The following UST variants were observed in gnomAD, a reference collection of about 807,000 sequenced individuals.
The protein encoded by UST is uronyl 2-sulfotransferase.
UST carries 21 observed loss-of-function variants against 45.6 expected under a neutral mutation model. The observed-to-expected ratio is 0.46, with a 90% CI of 0.33 to 0.66. The LOEUF is 0.66. Among genes scored for constraint, UST ranks in the 30% least tolerant of loss-of-function variants. The probability of loss-of-function intolerance (pLI) is 0.02; values close to 1 mark genes in which losing one functional copy is unlikely to be tolerated. For missense variants in UST, 463 were observed against 512.4 expected (o/e 0.90, Z 0.93); for synonymous variants, 215 against 200.6 (o/e 1.07, Z -0.61).
At chr6:149,020,817 A>G (rs1436411169) in intron 6 of UST, among the ~76,000 whole-genome samples, 1 of 152,204 alleles carries the variant, frequency 6.6e-6, no homozygotes, top group Admixed American at 6.5e-5. Context: ...AAATAAAACA[A>G]AACAAAAATC....
At chr6:148,753,060 A>T (rs984588134) in intron 1 of UST, among the ~76,000 whole-genome samples, 1 of 152,230 alleles carries the variant, frequency 6.6e-6, no homozygotes, top group African/African-American at 2.4e-5. Flanking sequence ...GCAAAAGTCA[A>T]TGTAGCAACT....
chr6:148,796,797 C>CTTTTTTTTTTTTT (rs1195878764), intron 1 of UST, among the ~76,000 whole-genome samples: 3 of 72,054 alleles, frequency 4.2e-5, no homozygotes, highest in Admixed American at 2.0e-4. Context: ...TCTGATAATT[C>CTTTTTTTTTTTTT]TTTTTTTTTT....
intron 7 of UST, among the ~76,000 whole-genome samples, chr6:149,043,038 T>TTTCTTTCC (rs1456282903): frequency 2.6e-4 from 37 of 140,550 alleles, no homozygotes; most frequent in African/African-American, 9.6e-4. Context: ...TCTTTCTTTC[T>TTTCTTTCC]TTCTTTCCTT....
At chr6:148,941,484 G>A (rs765170797) in intron 3 of UST, 50 bp downstream of exon 3, 46 of 1,539,860 alleles carry the variant, frequency 3.0e-5, no homozygotes, top group Non-Finnish European at 4.0e-5. Context: ...CAGCTCATTT[G>A]TGTAACTAGT....
chr6:148,759,846 T>G (rs959931578), intron 1 of UST, among the ~76,000 whole-genome samples: 3 of 35,358 alleles, frequency 8.5e-5, no homozygotes, highest in Non-Finnish European at 1.7e-4. Flanking sequence ...AGACTCTGTC[T>G]CAAAAAAAAA....
At chr6:149,060,605 G>C (rs980035302) in intron 7 of UST, among the ~76,000 whole-genome samples, 3 of 152,216 alleles carry the variant, frequency 2.0e-5, no homozygotes, top group African/African-American at 7.2e-5. Context: ...AGGGCTGTAT[G>C]GGAATGGAGG....
chr6:149,001,725 A>G (rs989525820), intron 5 of UST, among the ~76,000 whole-genome samples: 1 of 152,224 alleles, frequency 6.6e-6, no homozygotes, highest in African/African-American at 2.4e-5. Context: ...GGGGGAAATT[A>G]AGGTACAAGG....
chr6:148,750,543 G>A (rs1775970655), intron 1 of UST, among the ~76,000 whole-genome samples: 1 of 152,150 alleles, frequency 6.6e-6, no homozygotes, highest in Admixed American at 6.5e-5. Context: ...TTCAACCCAT[G>A]TCTGTCTGAT....
At chr6:149,025,251 A>G (rs1776034658) in intron 7 of UST, among the ~76,000 whole-genome samples, 1 of 152,240 alleles carries the variant, frequency 6.6e-6, no homozygotes, top group South Asian at 2.1e-4. Context: ...TTGTAGAAAT[A>G]TATGCTGACA....
chr6:148,831,536 G>A (rs1205274149), intron 1 of UST, among the ~76,000 whole-genome samples: 7 of 152,060 alleles, frequency 4.6e-5, no homozygotes, highest in African/African-American at 4.8e-5. Context: ...AGTGCTTATC[G>A]GAAGCAAGAC....
At chr6:148,793,401 G>A (rs1776888416) in intron 1 of UST, among the ~76,000 whole-genome samples, 1 of 152,152 alleles carries the variant, frequency 6.6e-6, no homozygotes, top group African/African-American at 2.4e-5. Flanking sequence ...CCCAAACCAA[G>A]CTCAAACAGG....
rs760552029 is a variant in UST, at chr6:149,074,005, G to GC, written c.1117dup (p.Leu373ProfsTer20). On this transcript the variant is annotated frameshift_variant, in exon 8 of 8. Coordinates refer to ENST00000367463, the MANE Select transcript of UST (RefSeq NM_005715.3). LOFTEE classifies it high-confidence loss of function. ...TTGGACTTAAGTCTCACGTCAGCAA[G>GC]CCCCCCCTGAGGCCACACTTCTTTA... The GC allele has an allele frequency of 5.6e-6, 9 of 1,614,008 alleles. No homozygotes were observed. The highest frequency in any genetic ancestry group is 1.7e-5 in the Admixed American group (1 of 59,996).
intron 5 of UST, among the ~76,000 whole-genome samples, chr6:149,001,901 G>A (rs547747277): frequency 4.9e-4 from 75 of 152,200 alleles, no homozygotes; most frequent in African/African-American, 1.6e-3. Context: ...ATTCATCTCC[G>A]ATTTGGAGGA....
Position 148,836,768 on chromosome 6 carries a change from C to T in UST, c.248-50218C>T, listed in dbSNP as rs2170535. On this transcript the variant is annotated intron_variant, in intron 1 of 7. Coordinates refer to ENST00000367463, the MANE Select transcript of UST (RefSeq NM_005715.3). ...GGTCCACCAAGTATCCAGACAGGGGCGGGGTTGGATGGTCCAGGAGTACAC... is the reference window on the plus strand; with the variant it reads ...GGTCCACCAAGTATCCAGACAGGGGTGGGGTTGGATGGTCCAGGAGTACAC... Among the ~76,000 whole-genome samples, 646 of 152,202 alleles carry T rather than the reference C, an allele frequency of 4.2e-3. 1 individual carries two copies. Among genetic ancestry groups the T allele is most frequent in the Middle Eastern group, 0.014 (4 of 294 alleles).
chr6:148,946,347 C>G (rs984707827), intron 3 of UST, among the ~76,000 whole-genome samples: 1 of 151,634 alleles, frequency 6.6e-6, no homozygotes, highest in Non-Finnish European at 1.5e-5. Flanking sequence ...CCTGTCTCTA[C>G]TAAAAACACA....
At chr6:148,879,952 C>CTTTTTTTTTTTTTTTTTTTTTTTT (rs766758383) in intron 1 of UST, among the ~76,000 whole-genome samples, 2 of 119,864 alleles carry the variant, frequency 1.7e-5, no homozygotes, top group Non-Finnish European at 1.8e-5. Flanking sequence ...TTTTTTTTTT[C>CTTTTTTTTTTTTTTTTTTTTTTTT]TTTTTTTTTT....
intron 5 of UST, among the ~76,000 whole-genome samples, chr6:148,967,605 T>C (rs1474823595): frequency 1.3e-5 from 2 of 151,714 alleles, no homozygotes; most frequent in Admixed American, 1.3e-4. Context: ...CAAAAGAGGG[T>C]GTTGTTTGTG....
At chr6:148,907,767 G>A (rs951214562) in intron 2 of UST, among the ~76,000 whole-genome samples, 3 of 152,184 alleles carry the variant, frequency 2.0e-5, no homozygotes, top group Non-Finnish European at 4.4e-5. Flanking sequence ...AAGTGCTAAC[G>A]AATTTCATGA....
chr6:148,923,812 A>G (rs372759923), intron 2 of UST, among the ~76,000 whole-genome samples: 167 of 152,198 alleles, frequency 1.1e-3, no homozygotes, highest in Non-Finnish European at 1.5e-3. Flanking sequence ...TAGATATACA[A>G]CTGTACTTGG....
Sources: allele counts gnomAD v4.1 joint callset (sites outside exome capture counted in the v4.1 genomes callset), GRCh38; gene constraint gnomAD v4.1.1; transcripts MANE v1.5; gene names NCBI Gene and HGNC (gene_info 2026-07-23, HGNC 2026-07-21).